USP2: variants seen among roughly 807,000 people sequenced by gnomAD.
The protein encoded by USP2 is ubiquitin specific peptidase 2, also known as ubiquitin carboxyl-terminal hydrolase 2.
Under a neutral mutation model 72.0 loss-of-function variants are expected in USP2, and 33 were observed. The observed-to-expected ratio is 0.46, with a 90% CI of 0.35 to 0.61. The LOEUF is 0.61. USP2 is among the 20% of genes least tolerant of loss of function. USP2 has a pLI of 0.01. For synonymous variants in USP2, 296 were observed against 312.5 expected (o/e 0.95, Z 0.56); for missense variants, 691 against 797.8 (o/e 0.87, Z 1.61).
Position 119,359,072 on chromosome 11 carries a change from C to G in USP2, c.1124G>C (p.Arg375Pro). 5.0e-6 allele frequency: 8 copies of G among 1,614,086 alleles called. No individual in the cohort carries two copies. The highest frequency in any genetic ancestry group is 6.8e-6 in the Non-Finnish European group (8 of 1,180,032). Residue 375 changes from arginine to proline, a missense_variant, in exon 6 of 13, where the codon CGA (arginine) becomes CCA (proline). Arg to Pro is a moderately radical substitution (Grantham distance 103). Coordinates refer to ENST00000260187, the MANE Select transcript of USP2 (RefSeq NM_004205.5). ...GTTGGACTTAGGTCTCAGTGTCACT[C>G]GGTTCACCTCGTTATGGAGCCCATC... ...LLDGLHNEVNRVTLRPKSNPE... is the reference protein window; with the variant it reads ...LLDGLHNEVNPVTLRPKSNPE...
chr11:119,371,400 C>T (rs1285572678), intron 2 of USP2, among the ~76,000 whole-genome samples: 1 of 152,152 alleles, frequency 6.6e-6, no homozygotes, highest in Non-Finnish European at 1.5e-5. Flanking sequence ...ACCATGCCAG[C>T]TCTGTTGTGA....
At chr11:119,357,045 T>G in intron 12 of USP2, 123 bp from the exon 13 acceptor site, 1 of 1,309,482 alleles carries the variant, frequency 7.6e-7, no homozygotes, top group Non-Finnish European at 1.0e-6. Flanking sequence ...GGGCAGCGGC[T>G]TCGTGGCCTT....
At chr11:119,377,110 T>G (rs1039668076) in intron 1 of USP2, among the ~76,000 whole-genome samples, 3 of 152,258 alleles carry the variant, frequency 2.0e-5, no homozygotes, top group African/African-American at 7.2e-5. Flanking sequence ...AAAACTGCAC[T>G]AAGGCTTGGG....
chr11:119,360,276 T>G, intron 2 of USP2, 42 bp from the exon 3 acceptor site: 1 of 1,606,096 alleles, frequency 6.2e-7, no homozygotes. Flanking sequence ...GAAGCAAAGA[T>G]GCTAGGCCTG....
At chr11:119,358,562 C>T (rs757938595) in intron 7 of USP2, 36 of 636,966 alleles carry the variant, frequency 5.7e-5, no homozygotes, top group Non-Finnish European at 3.5e-5. Flanking sequence ...GTGATCTACC[C>T]GCCTTGGCCT....
At chr11:119,378,837 A>G (rs73579467) in intron 1 of USP2, among the ~76,000 whole-genome samples, 2,739 of 152,198 alleles carry the variant, frequency 0.018, 76 homozygotes, top group African/African-American at 0.062. Context: ...CTTCTCCTCT[A>G]GGGCGTCATC....
chr11:119,381,679 C>G lies in USP2; in HGVS notation c.-248G>C. Reference sequence around the variant, plus strand: ...TCGGCGCCACCCAGCGGGCAGCCGCCTCATCGCGCCTGGGCCGGCAGAGCC... The same window carrying G: ...TCGGCGCCACCCAGCGGGCAGCCGCGTCATCGCGCCTGGGCCGGCAGAGCC... On this transcript the variant is annotated 5_prime_UTR_variant, in exon 1 of 13. Transcript: ENST00000260187. 1.2e-6 allele frequency: 1 copy of G among 858,584 alleles called. No individual in the cohort carries two copies. Among genetic ancestry groups the G allele is most frequent in the South Asian group, 1.5e-5 (1 of 67,922 alleles). 53.2% of individuals were successfully genotyped at this position (858,584 alleles called of 1,614,324 possible). A position where few individuals can be genotyped will look rare whatever the true frequency, so the allele number is the denominator to read the frequency against.
rs1156476977 is a variant in USP2, at chr11:119,364,213, G to A, written c.775-3979C>T. 1.3e-5 allele frequency: 15 copies of A among 1,127,544 alleles called. No individual in the cohort carries two copies. The Middle Eastern group carries it at 2.2e-3, about 168-fold the overall frequency. The allele number at this position is 1,127,544 out of a possible 1,614,324, so 69.8% of individuals were successfully genotyped here. On this transcript the variant is annotated intron_variant, in intron 2 of 12. Transcript: ENST00000260187. ...GCTCTCGCGCTCCGGCCGACTGGCGGCCCCGCCGGCGCCTCGGGCCCCGCG... is the reference window on the plus strand; with the variant it reads ...GCTCTCGCGCTCCGGCCGACTGGCGACCCCGCCGGCGCCTCGGGCCCCGCG...
chr11:119,359,505 T>C (rs1363997754), intron 4 of USP2, 32 bp downstream of exon 4: 1 of 1,611,600 alleles, frequency 6.2e-7, no homozygotes. Context: ...CATCCGGGGG[T>C]AGGCAGGGGC....
At chr11:119,378,692 T>A (rs1467002562) in intron 1 of USP2, among the ~76,000 whole-genome samples, 1 of 152,138 alleles carries the variant, frequency 6.6e-6, no homozygotes, top group Non-Finnish European at 1.5e-5. Context: ...TGGGTGGGCA[T>A]CTATACACTT....
At chr11:119,371,422 TCTC>T (rs1950925591) in intron 2 of USP2, among the ~76,000 whole-genome samples, 1 of 152,040 alleles carries the variant, frequency 6.6e-6, no homozygotes, top group African/African-American at 2.4e-5. Context: ...ACATCTCTCT[TCTC>T]CACTCCTTTC....
chr11:119,362,461 C>T (rs770996622), intron 2 of USP2, among the ~76,000 whole-genome samples: 2 of 151,992 alleles, frequency 1.3e-5, no homozygotes, highest in Non-Finnish European at 2.9e-5. Context: ...TTCCTCAGCT[C>T]AAAACCACAT....
At chr11:119,365,957 C>T (rs191849181) in intron 2 of USP2, among the ~76,000 whole-genome samples, 2,862 of 151,306 alleles carry the variant, frequency 0.019, 103 homozygotes, top group African/African-American at 0.066. Context: ...TGCAGTGGCA[C>T]GATCTCGGCT....
chr11:119,358,994 G>C lies in USP2; in HGVS notation c.1172+30C>G, dbSNP rs1950718412. 1.9e-6 allele frequency: 3 copies of C among 1,609,294 alleles called. No individual in the cohort carries two copies. In the South Asian group the frequency reaches 3.3e-5, roughly 18 times the overall value. On this transcript the variant is annotated intron_variant, in intron 6 of 12. Coordinates refer to ENST00000260187, the MANE Select transcript of USP2 (RefSeq NM_004205.5). ...AAAATCTCGAGTTCACAAAAGTTTT[G>C]CTTTCCCACAGCATTCTCCTCTTAC...
Position 119,357,472 on chromosome 11 carries a change from A to G in USP2, c.1609+11T>C, listed in dbSNP as rs1043773572. On this transcript the variant is annotated intron_variant, in intron 11 of 12. Coordinates refer to ENST00000260187, the MANE Select transcript of USP2 (RefSeq NM_004205.5). ...GTCTTCATTCTGCCCTGCCTACTCA[A>G]AGATACTCACTGGTGTTTTCTGAGG... 2 of 1,613,918 alleles carry G rather than the reference A, an allele frequency of 1.2e-6. No individual in the cohort carries two copies. The highest frequency in any genetic ancestry group is 1.7e-5 in the Admixed American group (1 of 60,000).
chr11:119,376,097 G>A lies in USP2; in HGVS notation c.-41-2576C>T, dbSNP rs901212938. 32 of 810,544 alleles carry A rather than the reference G, an allele frequency of 3.9e-5. No individual in the cohort carries two copies. In the African/African-American group the frequency reaches 5.8e-4, roughly 15 times the overall value. The allele number at this position is 810,544 out of a possible 1,614,324, so 50.2% of individuals were successfully genotyped here. ...TAGCTACAGTTCCCATGCCTGCGGAGAGGGTTCCTACTGGGGCCGGGGCCT... is the reference window on the plus strand; with the variant it reads ...TAGCTACAGTTCCCATGCCTGCGGAAAGGGTTCCTACTGGGGCCGGGGCCT... On this transcript the variant is annotated intron_variant, in intron 1 of 12. Coordinates refer to ENST00000260187, the MANE Select transcript of USP2 (RefSeq NM_004205.5).
chr11:119,357,082 AGCC>A (rs1268274392), intron 12 of USP2, 102 bp downstream of exon 12: 1 of 720,954 alleles, frequency 1.4e-6, no homozygotes, highest in Non-Finnish European at 1.8e-6. Context: ...TCTCGGTGTA[AGCC>A]GTGCGGGGGG....
At chr11:119,378,380 C>T (rs1415702347) in intron 1 of USP2, among the ~76,000 whole-genome samples, 5 of 152,188 alleles carry the variant, frequency 3.3e-5, no homozygotes, top group African/African-American at 4.8e-5. Context: ...GCCTACTCCT[C>T]TCAGGCCCCA....
chr11:119,374,021 C>T (rs1950969465), intron 1 of USP2, among the ~76,000 whole-genome samples: 1 of 152,176 alleles, frequency 6.6e-6, no homozygotes, highest in African/African-American at 2.4e-5. Context: ...GCTGGAATGA[C>T]CTGAAGATCA....
Sources: allele counts gnomAD v4.1 joint callset (sites outside exome capture counted in the v4.1 genomes callset), GRCh38; gene constraint gnomAD v4.1.1; transcripts MANE v1.5; gene names NCBI Gene and HGNC (gene_info 2026-07-23, HGNC 2026-07-21).